Variants in SCN3A observed in about 807,000 individuals in gnomAD.
The protein encoded by SCN3A is sodium channel protein type 3 subunit alpha.
SCN3A carries 60 observed loss-of-function variants against 187.6 expected under a neutral mutation model. That is an observed-to-expected ratio of 0.32 (90% confidence interval 0.26 to 0.40). The LOEUF (loss-of-function observed/expected upper bound fraction) is 0.40, where lower values mean the gene tolerates loss of function less well. Among genes scored for constraint, SCN3A ranks in the 10% least tolerant of loss-of-function variants. The probability of loss-of-function intolerance (pLI) is 1.00; values close to 1 mark genes in which losing one functional copy is unlikely to be tolerated. For synonymous variants in SCN3A, 788 were observed against 829.2 expected (o/e 0.95, Z 0.85); for missense variants, 1,601 against 2,428.2 (o/e 0.66, Z 7.16).
In SCN3A at chr2:165,155,757, C is replaced by G. The variant is rs1287877156; in HGVS notation, c.1173+5G>C. Reference sequence around the variant, plus strand: ...AAATGTTATGCATGCTCATTTGGACCTTACCAACTGGTAAAGATTTTCCCA... The same window carrying G: ...AAATGTTATGCATGCTCATTTGGACGTTACCAACTGGTAAAGATTTTCCCA... On this transcript the variant is annotated splice_donor_5th_base_variant and intron_variant, in intron 10 of 27. Transcript: ENST00000283254. The G allele has an allele frequency of 6.2e-7, 1 of 1,613,852 alleles. No homozygotes were observed. The highest frequency in any genetic ancestry group is 8.5e-7 in the Non-Finnish European group (1 of 1,179,940).
chr2:165,162,328 A>G lies in SCN3A; in HGVS notation c.1011T>C (p.Cys337=). 1 of 1,613,398 alleles carries G rather than the reference A, an allele frequency of 6.2e-7. No individual in the cohort carries two copies. The highest frequency in any genetic ancestry group is 1.3e-5 in the African/African-American group (1 of 74,890). The part of the protein sequence containing the change: ...VLDGQKDPLL[C]GNGSDAGQCP... ...CTTACCCTGCATCTGAGCCATTTCC[A>G]CAGAGTAAAGGGTCTTTTTGCCCAT... Residue 337 remains cysteine (C), a synonymous_variant, in exon 9 of 28, where the codon TGT becomes TGC. Coordinates refer to ENST00000283254, the MANE Select transcript of SCN3A (RefSeq NM_006922.4).
Position 165,092,723 on chromosome 2 carries a change from T to A in SCN3A, c.4537-199A>T, listed in dbSNP as rs1685169471. Reference sequence around the variant, plus strand: ...ATTTATATAGCTAAACAAAGCATATTTGGTTTATATAGGTCCTATGGAAAG... The same window carrying A: ...ATTTATATAGCTAAACAAAGCATATATGGTTTATATAGGTCCTATGGAAAG... On this transcript the variant is annotated intron_variant, in intron 26 of 27. Coordinates refer to ENST00000283254, the MANE Select transcript of SCN3A (RefSeq NM_006922.4). This position sits in a 1 kb window ranked among gnomAD's most constrained non-coding sequence, Gnocchi z 4.2. The A allele has an allele frequency of 1.2e-5, 7 of 587,852 alleles. No individual in the cohort carries two copies. The South Asian group carries it at 1.5e-4, about 12-fold the overall frequency. The allele number at this position is 587,852 out of a possible 1,614,324, so 36.4% of individuals were successfully genotyped here. A position where few individuals can be genotyped will look rare whatever the true frequency, so the allele number is the denominator to read the frequency against.
intron 5 of SCN3A, among the ~76,000 whole-genome samples, chr2:165,168,297 T>C: frequency 6.6e-6 from 1 of 152,052 alleles, no homozygotes. Flanking sequence ...AACTTAGACA[T>C]CTTAGATGTA....
chr2:165,112,179 ATGT>A (rs1048830138), intron 21 of SCN3A, among the ~76,000 whole-genome samples: 17 of 152,190 alleles, frequency 1.1e-4, no homozygotes, highest in Non-Finnish European at 2.1e-4. Context: ...GAGGACTGTC[ATGT>A]TGTCCCAGTG....
intron 9 of SCN3A, among the ~76,000 whole-genome samples, chr2:165,159,511 C>T (rs904704178): frequency 7.4e-6 from 1 of 135,960 alleles, no homozygotes; most frequent in Non-Finnish European, 1.5e-5. Context: ...TACACTACAC[C>T]ATGCCTGGCT....
chr2:165,154,730 G>T, intron 10 of SCN3A, 72 bp from the exon 11 acceptor site: 1 of 1,410,504 alleles, frequency 7.1e-7, no homozygotes, highest in Non-Finnish European at 1.0e-6. Context: ...GATTACCACA[G>T]TTAGATAGTC....
intron 16 of SCN3A, 135 bp downstream of exon 16, chr2:165,131,109 T>A (rs1687287095): frequency 2.3e-6 from 1 of 443,870 alleles, no homozygotes; most frequent in African/African-American, 2.1e-5. Context: ...AAAGAGGATG[T>A]TTACATGTTT....
intron 27 of SCN3A, among the ~76,000 whole-genome samples, 158 bp from the exon 28 acceptor site, chr2:165,091,503 A>T (rs1685104908): frequency 6.6e-6 from 1 of 152,232 alleles, no homozygotes; most frequent in Non-Finnish European, 1.5e-5. Context: ...TACAGATTAC[A>T]GAGTTTTATT....
intron 1 of SCN3A, among the ~76,000 whole-genome samples, chr2:165,199,634 G>C (rs1692194342): frequency 6.6e-6 from 1 of 151,114 alleles, no homozygotes; most frequent in South Asian, 2.1e-4. Flanking sequence ...GTGGTATCCA[G>C]TTAAGTAGGT....
intron 1 of SCN3A, chr2:165,195,037 T>C (rs1691860658): frequency 6.6e-6 from 1 of 152,256 alleles, no homozygotes; most frequent in South Asian, 2.1e-4. Flanking sequence ...GGGATGCTGT[T>C]CAGTGCTCAA....
At chr2:165,137,555 A>G (rs1325473406) in intron 15 of SCN3A, among the ~76,000 whole-genome samples, 2 of 152,132 alleles carry the variant, frequency 1.3e-5, no homozygotes, top group Non-Finnish European at 2.9e-5. Flanking sequence ...GGTTAAAACC[A>G]CATGATTGTG....
intron 1 of SCN3A, chr2:165,195,711 G>C (rs1367035112): frequency 6.6e-6 from 1 of 151,880 alleles, no homozygotes; most frequent in Non-Finnish European, 1.5e-5. Flanking sequence ...AGATTTAATG[G>C]GATATTTAAA....
chr2:165,164,343 A>G (rs1341219235), intron 6 of SCN3A, 49 bp downstream of exon 6: 7 of 1,611,634 alleles, frequency 4.3e-6, no homozygotes, highest in Non-Finnish European at 5.9e-6. Flanking sequence ...TGTTTGTACT[A>G]TGACTATTTT....
chr2:165,196,919 G>C (rs1468922732), intron 1 of SCN3A, among the ~76,000 whole-genome samples: 2 of 152,086 alleles, frequency 1.3e-5, no homozygotes, highest in Non-Finnish European at 2.9e-5. Flanking sequence ...TAGTTCTCCA[G>C]ATAGCAATTT....
At chr2:165,127,098 A>G (rs551424062) in intron 18 of SCN3A, among the ~76,000 whole-genome samples, 6 of 152,112 alleles carry the variant, frequency 3.9e-5, no homozygotes, top group African/African-American at 7.2e-5. Context: ...TTGCTTTGTC[A>G]CTCAGGGTTG....
At chr2:165,162,418 C>T (rs187464881) in intron 8 of SCN3A, 47 bp from the exon 9 acceptor site, 3 of 1,594,548 alleles carry the variant, frequency 1.9e-6, no homozygotes, top group East Asian at 2.2e-5. Flanking sequence ...TAATCCTATT[C>T]ACATTAGTAT....
At chr2:165,096,641 A>G in intron 23 of SCN3A, 121 bp from the exon 24 acceptor site, 1 of 613,412 alleles carries the variant, frequency 1.6e-6, no homozygotes. Flanking sequence ...GAAATTTCAT[A>G]TCAAGAGATT....
At chr2:165,161,039 T>C (rs1361568681) in intron 9 of SCN3A, among the ~76,000 whole-genome samples, 1 of 152,104 alleles carries the variant, frequency 6.6e-6, no homozygotes, top group Non-Finnish European at 1.5e-5. Context: ...CCTTCTACTT[T>C]AGCCCCCTGA....
intron 1 of SCN3A, chr2:165,195,590 T>C (rs949709557): frequency 6.6e-6 from 1 of 152,156 alleles, no homozygotes; most frequent in Non-Finnish European, 1.5e-5. Context: ...GTGTGAAACT[T>C]CCCAAATTTA....
Sources: allele counts gnomAD v4.1 joint callset (sites outside exome capture counted in the v4.1 genomes callset), GRCh38; gene constraint gnomAD v4.1.1; non-coding constraint Gnocchi (gnomAD v3.1); transcripts MANE v1.5; gene names NCBI Gene and HGNC (gene_info 2026-07-23, HGNC 2026-07-21).